EDIL3: variants seen among roughly 807,000 people sequenced by gnomAD.
EDIL3 encodes EGF like and discoidin domains 3, also known as EGF-like repeat and discoidin I-like domain-containing protein 3.
A neutral mutation model predicts 67.4 loss-of-function variants in EDIL3; 37 were observed. The observed-to-expected ratio is 0.55, with a 90% CI of 0.42 to 0.72. The LOEUF (loss-of-function observed/expected upper bound fraction) is 0.72, where lower values mean the gene tolerates loss of function less well. EDIL3 is among the 30% of genes least tolerant of loss of function. EDIL3 has a pLI of 0.00. For synonymous variants in EDIL3, 195 were observed against 196.3 expected, an observed-to-expected ratio of 0.99 and a Z score of 0.05; for missense variants, 527 against 586.3, an observed-to-expected ratio of 0.90 and a Z score of 1.04.
intron 1 of EDIL3, among the ~76,000 whole-genome samples, chr5:84,277,461 TATTG>T (rs551221298): frequency 1.4e-4 from 21 of 152,334 alleles, no homozygotes; most frequent in South Asian, 1.2e-3. Flanking sequence ...CCAAATAAGA[TATTG>T]ATTATTTGCT....
intron 9 of EDIL3, among the ~76,000 whole-genome samples, chr5:83,969,304 C>T (rs1462337435): frequency 1.3e-5 from 2 of 151,610 alleles, no homozygotes; most frequent in African/African-American, 4.8e-5. Flanking sequence ...AATCATAGTC[C>T]TTTCATCCTG....
intron 4 of EDIL3, among the ~76,000 whole-genome samples, chr5:84,142,869 T>C (rs1748225982): frequency 7.0e-6 from 1 of 142,524 alleles, no homozygotes; most frequent in Admixed American, 6.9e-5. Flanking sequence ...TTTCTCAACT[T>C]CTTTATGTCT....
intron 9 of EDIL3, among the ~76,000 whole-genome samples, chr5:84,017,540 C>G (rs2112187444): frequency 6.6e-6 from 1 of 152,240 alleles, no homozygotes; most frequent in South Asian, 2.1e-4. Flanking sequence ...CTTACTGTAA[C>G]TGTAAGAATA....
chr5:84,114,770 A>G (rs935003808), intron 5 of EDIL3, among the ~76,000 whole-genome samples: 8 of 152,220 alleles, frequency 5.3e-5, no homozygotes, highest in African/African-American at 1.7e-4. Flanking sequence ...AATTTTTCTC[A>G]CAATTGTGAA....
At chr5:84,206,566 T>C (rs1323684173) in intron 3 of EDIL3, among the ~76,000 whole-genome samples, 1 of 152,102 alleles carries the variant, frequency 6.6e-6, no homozygotes, top group Non-Finnish European at 1.5e-5. Context: ...ATCATCCTGA[T>C]ACCAAAGCCA....
At position 84,052,297 on chromosome 5, in the gene EDIL3, C is replaced by T. The variant is rs1746355417; in HGVS notation, c.1137+8003G>A. On this transcript the variant is annotated intron_variant, in intron 9 of 10. Transcript: ENST00000296591. Reference sequence around the variant, plus strand: ...CACCATCAGGCCTGCCTTACAAGAGCTCCTGAAGGAAGCAATGAACATGGA... The same window carrying T: ...CACCATCAGGCCTGCCTTACAAGAGTTCCTGAAGGAAGCAATGAACATGGA... Among the ~76,000 whole-genome samples the T allele has an allele frequency of 2.0e-5, 3 of 152,284 alleles. No individual in the cohort carries two copies. The South Asian group carries it at 6.2e-4, about 32-fold the overall frequency.
chr5:84,160,666 T>G (rs1337865594), intron 4 of EDIL3, among the ~76,000 whole-genome samples: 1 of 152,080 alleles, frequency 6.6e-6, no homozygotes, highest in African/African-American at 2.4e-5. Context: ...TATTCCCAGT[T>G]TACCCAGCAC....
At chr5:84,098,371 T>A (rs1301654740) in intron 6 of EDIL3, among the ~76,000 whole-genome samples, 2 of 152,084 alleles carry the variant, frequency 1.3e-5, no homozygotes, top group Non-Finnish European at 2.9e-5. Context: ...GGACTGAATA[T>A]AAATAATAGA....
intron 9 of EDIL3, among the ~76,000 whole-genome samples, chr5:84,046,742 T>C (rs1746230738): frequency 6.6e-6 from 1 of 152,238 alleles, no homozygotes; most frequent in South Asian, 2.1e-4. Flanking sequence ...GCTTTGTTGC[T>C]ACAAAGATAA....
chr5:84,289,689 CT>C (rs1482957304), intron 1 of EDIL3, among the ~76,000 whole-genome samples: 1 of 152,182 alleles, frequency 6.6e-6, no homozygotes, highest in Non-Finnish European at 1.5e-5. Flanking sequence ...TCTTAGGACA[CT>C]TTCCTTATTG....
intron 2 of EDIL3, among the ~76,000 whole-genome samples, chr5:84,239,031 G>C (rs1324090683): frequency 3.9e-5 from 6 of 152,010 alleles, no homozygotes; most frequent in African/African-American, 1.5e-4. Flanking sequence ...AAAATTTCTA[G>C]AGGCAGGGAA....
rs1744213624 is a variant in EDIL3 at position 83,940,984 on chromosome 5, G to T, written c.*2435C>A. The T allele has an allele frequency of 2.6e-5, 4 of 151,960 alleles. No homozygotes were observed. The South Asian group carries it at 8.3e-4, about 31-fold the overall frequency. The allele number at this position is 151,960 out of a possible 1,614,324, so 9.4% of individuals were successfully genotyped here. ...TTTAGTTTCATTAATTGTAAAATTA[G>T]CATGTTATATTTACTCAATATAGTG... On this transcript the variant is annotated 3_prime_UTR_variant, in exon 11 of 11. Transcript: ENST00000296591.
At chr5:84,322,449 A>T (rs1031170119) in intron 1 of EDIL3, among the ~76,000 whole-genome samples, 2 of 152,152 alleles carry the variant, frequency 1.3e-5, no homozygotes, top group Non-Finnish European at 2.9e-5. Flanking sequence ...CATTAGAAGT[A>T]TCCAATGGCA....
At chr5:84,235,457 A>C (rs978060874) in intron 2 of EDIL3, among the ~76,000 whole-genome samples, 1 of 152,142 alleles carries the variant, frequency 6.6e-6, no homozygotes, top group Non-Finnish European at 1.5e-5. Flanking sequence ...AAGTATTGAT[A>C]ATATATAACA....
At chr5:84,322,138 T>G (rs1310396389) in intron 1 of EDIL3, among the ~76,000 whole-genome samples, 1 of 151,476 alleles carries the variant, frequency 6.6e-6, no homozygotes, top group Non-Finnish European at 1.5e-5. Flanking sequence ...TACTACATAA[T>G]TAGATTCAAA....
At position 84,050,400 on chromosome 5, in the gene EDIL3, G is replaced by A. The variant is rs919601411; in HGVS notation, c.1137+9900C>T. ...TCCCAGTGTGAGCGACACAGAAGAC[G>A]AGTGATTTCTGCATTTCCAACTGAG... On this transcript the variant is annotated intron_variant, in intron 9 of 10. Transcript: ENST00000296591. 7.9e-5 allele frequency among the ~76,000 whole-genome samples: 12 copies of A among 152,286 alleles called. No homozygotes were observed. In the South Asian group the frequency reaches 1.4e-3, roughly 18 times the overall value.
chr5:84,310,809 C>T (rs1031148486), intron 1 of EDIL3, among the ~76,000 whole-genome samples: 1 of 151,956 alleles, frequency 6.6e-6, no homozygotes, highest in Admixed American at 6.6e-5. Flanking sequence ...ATCTATGTAC[C>T]CCTAGAGCCT....
At chr5:84,230,600 T>A (rs1378579030) in intron 2 of EDIL3, among the ~76,000 whole-genome samples, 1 of 151,764 alleles carries the variant, frequency 6.6e-6, no homozygotes, top group Non-Finnish European at 1.5e-5. Flanking sequence ...AGAGATGGAG[T>A]TTCTCCATGT....
chr5:84,193,182 T>G (rs1448851383), intron 3 of EDIL3, among the ~76,000 whole-genome samples: 1 of 151,998 alleles, frequency 6.6e-6, no homozygotes, highest in Non-Finnish European at 1.5e-5. Flanking sequence ...GTTTGCTATA[T>G]GGAGAATACT....
Sources: gnomAD v4.1 joint callset for allele counts (sites outside exome capture counted in the v4.1 genomes callset) on GRCh38, gnomAD v4.1.1 for gene constraint, MANE v1.5 for transcripts, NCBI Gene and HGNC (gene_info 2026-07-23, HGNC 2026-07-21) for gene names.